PBX1: variants seen among roughly 807,000 people sequenced by gnomAD.
PBX1 encodes pre-B-cell leukemia transcription factor 1.
A neutral mutation model predicts 53.4 loss-of-function variants in PBX1; 6 were observed. The ratio of observed to expected loss-of-function variants is 0.11; its 90% CI spans 0.06 to 0.22. The LOEUF is 0.22. Among genes scored for constraint, PBX1 ranks in the 10% least tolerant of loss-of-function variants. The probability of loss-of-function intolerance (pLI) is 1.00; values close to 1 mark genes in which losing one functional copy is unlikely to be tolerated. For missense variants in PBX1, 251 were observed against 551.4 expected (o/e 0.46, Z 5.46); for synonymous variants, 204 against 212.3 (o/e 0.96, Z 0.34).
chr1:164,720,548 T>C (rs936475040), intron 2 of PBX1, among the ~76,000 whole-genome samples: 1 of 152,208 alleles, frequency 6.6e-6, no homozygotes, highest in Admixed American at 6.5e-5. Flanking sequence ...AACTCTCTGA[T>C]GTATCTGAGA....
chr1:164,646,144 T>A (rs1770560), intron 2 of PBX1, among the ~76,000 whole-genome samples: 134,442 of 152,244 alleles, frequency 0.88, 61,778 homozygotes, highest in Non-Finnish European at 1. Context: ...GGCATTTTGG[T>A]TATTCAGACC....
intron 2 of PBX1, among the ~76,000 whole-genome samples, chr1:164,747,252 G>A (rs1484737599): frequency 1.3e-5 from 2 of 152,010 alleles, no homozygotes; most frequent in Non-Finnish European, 2.9e-5. Context: ...GGCTTAGGCT[G>A]TAGAGAGTAC....
At chr1:164,566,148 T>A (rs1365400672) in intron 2 of PBX1, among the ~76,000 whole-genome samples, 1 of 152,140 alleles carries the variant, frequency 6.6e-6, no homozygotes, top group Non-Finnish European at 1.5e-5. Context: ...TTTGGAACTT[T>A]AAAAATACAT....
intron 8 of PBX1, among the ~76,000 whole-genome samples, chr1:164,822,064 A>G (rs1278318143): frequency 6.6e-6 from 1 of 152,180 alleles, no homozygotes; most frequent in Non-Finnish European, 1.5e-5. Flanking sequence ...TGGACGATTA[A>G]AAAGAAAATT....
chr1:164,834,078 G>A (rs1211147949), intron 8 of PBX1, among the ~76,000 whole-genome samples: 1 of 88,366 alleles, frequency 1.1e-5, no homozygotes, highest in East Asian at 2.5e-4. Flanking sequence ...TGTATTCAGA[G>A]CTCAGATATC....
intron 6 of PBX1, chr1:164,816,528 G>A (rs1003769118): frequency 8.5e-5 from 13 of 152,066 alleles, no homozygotes; most frequent in Admixed American, 6.5e-5. Context: ...AAGTAAATCC[G>A]TTCTTGCTCT....
chr1:164,682,623 G>T (rs1335605118), intron 2 of PBX1: 1 of 151,374 alleles, frequency 6.6e-6, no homozygotes, highest in African/African-American at 2.4e-5. Flanking sequence ...AACTAATTAT[G>T]TGCCCTAAGG....
chr1:164,779,116 TC>T (rs1667813190), intron 2 of PBX1, among the ~76,000 whole-genome samples: 1 of 150,870 alleles, frequency 6.6e-6, no homozygotes, highest in Non-Finnish European at 1.5e-5. Flanking sequence ...CTATCTCGGC[TC>T]ACTGCAAGTC....
chr1:164,739,237 A>G (rs1006187308), intron 2 of PBX1, among the ~76,000 whole-genome samples: 2 of 152,226 alleles, frequency 1.3e-5, no homozygotes, highest in African/African-American at 4.8e-5. Flanking sequence ...GCGATCCAGT[A>G]TATGTGTTTC....
chr1:164,831,003 G>A (rs1323497126), intron 8 of PBX1, among the ~76,000 whole-genome samples: 1 of 152,090 alleles, frequency 6.6e-6, no homozygotes, highest in Non-Finnish European at 1.5e-5. Context: ...GAATTACATA[G>A]CTTTATTTGC....
intron 2 of PBX1, among the ~76,000 whole-genome samples, chr1:164,877,384 T>A (rs1672539575): frequency 6.6e-6 from 1 of 152,158 alleles, no homozygotes; most frequent in African/African-American, 2.4e-5. Flanking sequence ...AGCTCAAGGC[T>A]GGGCACAGTG....
intron 2 of PBX1, among the ~76,000 whole-genome samples, chr1:164,620,078 A>T (rs1657566028): frequency 6.6e-6 from 1 of 152,156 alleles, no homozygotes; most frequent in Non-Finnish European, 1.5e-5. Context: ...CTGTAGTCCT[A>T]GCTACTCAGG....
intron 2 of PBX1, among the ~76,000 whole-genome samples, chr1:164,871,628 C>T (rs1469869010): frequency 2.0e-5 from 3 of 152,262 alleles, no homozygotes; most frequent in South Asian, 4.1e-4. Context: ...TTTCCCAGAG[C>T]CTTGCTTGGA....
intron 2 of PBX1, among the ~76,000 whole-genome samples, chr1:164,789,282 A>G (rs990813297): frequency 1.2e-4 from 19 of 152,202 alleles, no homozygotes; most frequent in Admixed American, 7.9e-4. Context: ...TGTGCTTCCC[A>G]TTGACTATTT....
intron 2 of PBX1, among the ~76,000 whole-genome samples, chr1:164,625,579 A>G (rs1657980551): frequency 6.6e-6 from 1 of 152,170 alleles, no homozygotes; most frequent in South Asian, 2.1e-4. Flanking sequence ...GGAGACAGAA[A>G]TGGGAAAAGT....
rs532745302 is a variant in PBX1 at position 164,571,192 on chromosome 1, C to T, written c.265+7881C>T. Among the ~76,000 whole-genome samples, 190 of 152,232 alleles carry T rather than the reference C, an allele frequency of 1.2e-3. 3 individuals are homozygous for T. The highest frequency in any genetic ancestry group is 6.8e-3 in the Middle Eastern group (2 of 294). On this transcript the variant is annotated intron_variant, in intron 2 of 8. Transcript: ENST00000420696. ...GCTTTCTTGAAATATATTTCTAACA[C>T]CATGAAATTCACCCATTTAAATGAT...
At chr1:164,587,382 C>CT (rs1374977823) in intron 2 of PBX1, among the ~76,000 whole-genome samples, 2 of 152,248 alleles carry the variant, frequency 1.3e-5, no homozygotes, top group African/African-American at 2.4e-5. Flanking sequence ...TGTCTCATCT[C>CT]TAAGTGAAGG....
At chr1:164,719,581 G>A (rs1373723700) in intron 2 of PBX1, among the ~76,000 whole-genome samples, 3 of 152,078 alleles carry the variant, frequency 2.0e-5, no homozygotes, top group South Asian at 2.1e-4. Context: ...ACGGGGAGGC[G>A]CAGGCATTTG....
intron 2 of PBX1, chr1:164,684,315 G>A (rs1012138334): frequency 1.3e-5 from 2 of 152,050 alleles, no homozygotes; most frequent in African/African-American, 4.8e-5. Flanking sequence ...CCTGTTTCTG[G>A]ACACTTTGTG....
Sources: gnomAD v4.1 joint callset for allele counts (sites outside exome capture counted in the v4.1 genomes callset) on GRCh38, gnomAD v4.1.1 for gene constraint, MANE v1.5 for transcripts, NCBI Gene and HGNC (gene_info 2026-07-23, HGNC 2026-07-21) for gene names.